Variants in COL4A5 observed in about 807,000 individuals in gnomAD.
COL4A5 encodes the protein collagen type IV alpha 5 chain.
A neutral mutation model predicts 130.2 loss-of-function variants in COL4A5; 26 were observed. The observed-to-expected ratio is 0.20, with a 90% CI of 0.15 to 0.28. The LOEUF (loss-of-function observed/expected upper bound fraction) is 0.28, where lower values mean the gene tolerates loss of function less well. COL4A5 is among the 10% of genes least tolerant of loss of function. The pLI, the probability that COL4A5 is intolerant of heterozygous loss-of-function variation, is 1.00. For missense variants in COL4A5, 1,131 were observed against 1,344.3 expected (o/e 0.84, Z 2.48); for synonymous variants, 496 against 439.6 (o/e 1.13, Z -1.60).
At chrX:108,526,586 T>G (rs1212864791) in intron 1 of COL4A5, among the ~76,000 whole-genome samples, 2 of 52,073 alleles carry the variant, frequency 3.8e-5, no homozygotes, top group African/African-American at 2.0e-4. Context: ...CCTCCCTCCC[T>G]CCCTCCCTCC....
chrX:108,491,369 G>T (rs141991961), intron 1 of COL4A5, among the ~76,000 whole-genome samples: 1 of 111,643 alleles, frequency 9.0e-6, no homozygotes, highest in Non-Finnish European at 1.9e-5. Context: ...TTTATTAATT[G>T]TTTGCTATGA....
intron 1 of COL4A5, among the ~76,000 whole-genome samples, chrX:108,517,176 G>A (rs1175546435): frequency 9.0e-6 from 1 of 111,188 alleles, no homozygotes; most frequent in Non-Finnish European, 1.9e-5. Flanking sequence ...ACTTGAGAAT[G>A]TATATTTCAT....
chrX:108,695,599 C>T, intron 52 of COL4A5, 160 bp downstream of exon 52: 3 of 535,997 alleles, frequency 5.6e-6, no homozygotes, highest in Non-Finnish European at 9.2e-6. Flanking sequence ...TGACTCAGGT[C>T]AGAAAAACAG....
chrX:108,493,082 A>T (rs186833243), intron 1 of COL4A5, among the ~76,000 whole-genome samples: 41 of 111,885 alleles, frequency 3.7e-4, no homozygotes, highest in Middle Eastern at 4.7e-3. Context: ...AAATCATTGT[A>T]TAGCTATATT....
chrX:108,660,823 G>A (rs1274051130), intron 37 of COL4A5, among the ~76,000 whole-genome samples: 1 of 111,343 alleles, frequency 9.0e-6, no homozygotes, highest in Non-Finnish European at 1.9e-5. Flanking sequence ...ATAGTCGTGT[G>A]TCACATAACA....
chrX:108,587,323 C>T (rs60098734), intron 19 of COL4A5, among the ~76,000 whole-genome samples: 11,153 of 110,017 alleles, frequency 0.1, 1,273 homozygotes, highest in African/African-American at 0.33. Flanking sequence ...TCCATGAGAT[C>T]AACTTTTTTT....
At chrX:108,528,290 A>G (rs772394873) in intron 1 of COL4A5, among the ~76,000 whole-genome samples, 27 of 112,329 alleles carry the variant, frequency 2.4e-4, no homozygotes, top group Non-Finnish European at 3.9e-4. Context: ...CAAAGAAATC[A>G]CACAGAGACT....
In COL4A5 at chrX:108,634,126, C is replaced by T. The variant is rs186564106; in HGVS notation, c.3246+7777C>T. Among the ~76,000 whole-genome samples the T allele has an allele frequency of 8.2e-5, 9 of 109,830 alleles. No homozygotes were observed. In the South Asian group the frequency reaches 2.3e-3, roughly 29 times the overall value. ...AGCAAAGCATTTAGTTGTGTCACCT[C>T]CTTGTCTCCCAGTGATAAAGCAATG... On this transcript the variant is annotated intron_variant, in intron 36 of 52. Transcript: ENST00000328300.
chrX:108,581,726 A>G (rs1045116149), intron 16 of COL4A5, among the ~76,000 whole-genome samples: 5 of 111,198 alleles, frequency 4.5e-5, no homozygotes, highest in African/African-American at 1.6e-4. Flanking sequence ...ATTGCTGAGT[A>G]GTATTTGATA....
intron 2 of COL4A5, among the ~76,000 whole-genome samples, chrX:108,551,022 A>G (rs990127088): frequency 2.3e-4 from 26 of 111,875 alleles, no homozygotes; most frequent in Admixed American, 7.6e-4. Flanking sequence ...TACGTGTAAG[A>G]CCTCAAACTA....
chrX:108,626,486 C>G, intron 36 of COL4A5, 137 bp downstream of exon 36: 2 of 1,164,008 alleles, frequency 1.7e-6, no homozygotes, highest in Admixed American at 4.7e-5. Flanking sequence ...TATTCCTTTT[C>G]TTTTCTCTTA....
intron 30 of COL4A5, among the ~76,000 whole-genome samples, chrX:108,620,002 C>T (rs754135473): frequency 6.2e-5 from 7 of 112,025 alleles, no homozygotes; most frequent in Non-Finnish European, 1.3e-4. Flanking sequence ...AAATATTAGT[C>T]TGTGATTAAC....
intron 41 of COL4A5, 155 bp from the exon 42 acceptor site, chrX:108,670,072 TA>T (rs2068169405): frequency 1.7e-6 from 1 of 583,975 alleles, no homozygotes; most frequent in Admixed American, 3.5e-5. Flanking sequence ...GATGCATGGA[TA>T]TGAACTTTCA....
chrX:108,561,089 A>G lies in COL4A5; in HGVS notation c.231+1936A>G, dbSNP rs769534277. Among the ~76,000 whole-genome samples the G allele has an allele frequency of 4.3e-4, 48 of 111,884 alleles. 1 individual carries two copies. The highest frequency in any genetic ancestry group is 9.5e-5 in the Admixed American group (1 of 10,552). ...ATCCAGTGTAATAAAGTTAGGGTAC[A>G]TGAAGTACTAAAATGGTCCATGTTT... is the stretch of plus-strand genomic sequence containing the variant. On this transcript the variant is annotated intron_variant, in intron 3 of 52. Transcript: ENST00000328300.
intron 36 of COL4A5, among the ~76,000 whole-genome samples, chrX:108,644,774 C>T (rs2067539615): frequency 9.2e-6 from 1 of 109,005 alleles, no homozygotes; most frequent in Non-Finnish European, 1.9e-5. Context: ...GTGGCAGGCA[C>T]CTGTAATCCC....
chrX:108,688,374 A>G (rs2147992457), intron 49 of COL4A5, among the ~76,000 whole-genome samples: 1 of 110,559 alleles, frequency 9.0e-6, no homozygotes. Context: ...TGGAATTCTG[A>G]CTTTGGATGT....
rs528952878 is a variant in COL4A5, at chrX:108,486,042, C to T, written c.81+45836C>T. Among the ~76,000 whole-genome samples the T allele has an allele frequency of 2.8e-4, 31 of 111,911 alleles. 1 individual carries two copies. The South Asian group carries it at 0.011, about 41-fold the overall frequency. On this transcript the variant is annotated intron_variant, in intron 1 of 52. Transcript: ENST00000328300. ...CTGGTTTGAATGCTCCCACTGTAGG[C>T]GGGTGTCAGCTGTGTTCAGCCTTGT... is the stretch of plus-strand genomic sequence containing the variant.
chrX:108,613,749 A>T (rs2147847556), intron 29 of COL4A5, among the ~76,000 whole-genome samples: 1 of 111,958 alleles, frequency 8.9e-6, no homozygotes, highest in East Asian at 2.8e-4. Flanking sequence ...CTTCATAAAT[A>T]TTAGAATTGG....
At chrX:108,520,872 G>A (rs2065258560) in intron 1 of COL4A5, among the ~76,000 whole-genome samples, 1 of 111,424 alleles carries the variant, frequency 9.0e-6, no homozygotes, top group African/African-American at 3.3e-5. Flanking sequence ...ATTTAAAGAC[G>A]ATATAATGAA....
Sources: gnomAD v4.1 joint callset for allele counts (sites outside exome capture counted in the v4.1 genomes callset) on GRCh38, gnomAD v4.1.1 for gene constraint, MANE v1.5 for transcripts, NCBI Gene and HGNC (gene_info 2026-07-23, HGNC 2026-07-21) for gene names.